PTPRG: variants seen among roughly 807,000 people sequenced by gnomAD.
PTPRG encodes the protein protein tyrosine phosphatase receptor type G.
PTPRG carries 102 observed loss-of-function variants against 165.3 expected under a neutral mutation model. The ratio of observed to expected loss-of-function variants is 0.62; its 90% CI spans 0.53 to 0.73. PTPRG has a LOEUF of 0.73. Ranked by LOEUF, PTPRG falls within the 30% of genes least tolerant of loss-of-function variation. The pLI is 0.00. For synonymous variants in PTPRG, 675 were observed against 669.5 expected (o/e 1.01, Z -0.13); for missense variants, 1,866 against 1,861.4 (o/e 1.00, Z -0.05).
intron 6 of PTPRG, among the ~76,000 whole-genome samples, chr3:62,147,420 G>A (rs1053549604): frequency 2.0e-5 from 3 of 152,258 alleles, no homozygotes; most frequent in Admixed American, 1.3e-4. Flanking sequence ...GAAAGTTGAC[G>A]GGGCCCTTTG....
At chr3:62,127,678 C>T (rs951391458) in intron 5 of PTPRG, among the ~76,000 whole-genome samples, 8 of 152,128 alleles carry the variant, frequency 5.3e-5, no homozygotes, top group African/African-American at 1.9e-4. Context: ...TTGTCTTGAC[C>T]ATCCTATTTA....
At chr3:61,909,408 G>A (rs945789485) in intron 2 of PTPRG, among the ~76,000 whole-genome samples, 1 of 152,104 alleles carries the variant, frequency 6.6e-6, no homozygotes, top group Non-Finnish European at 1.5e-5. Flanking sequence ...AGAGTGCAAT[G>A]CTGTGATCAT....
chr3:61,940,749 C>T (rs1224178646), intron 2 of PTPRG, among the ~76,000 whole-genome samples: 8 of 151,838 alleles, frequency 5.3e-5, no homozygotes, highest in Admixed American at 2.0e-4. Flanking sequence ...CTGCAAGCTC[C>T]GCCTCCTGGG....
chr3:62,295,642 G>C lies in PTPRG; in HGVS notation c.*2335G>C, dbSNP rs1271369713. ...TAGAAACAATAAAAGAAAGAGTTTA[G>C]AAGTTCCCTGTGAGCAATCTGTGTG... On this transcript the variant is annotated 3_prime_UTR_variant, in exon 30 of 30. Transcript: ENST00000474889. The C allele has an allele frequency of 6.6e-6, 1 of 152,066 alleles. No homozygotes were observed. Among genetic ancestry groups the C allele is most frequent in the African/African-American group, 2.4e-5 (1 of 41,414 alleles). The allele number at this position is 152,066 out of a possible 1,614,324, so 9.4% of individuals were successfully genotyped here. A position where few individuals can be genotyped will look rare whatever the true frequency, so the allele number is the denominator to read the frequency against.
chr3:62,205,207 G>T (rs980440557), intron 12 of PTPRG, among the ~76,000 whole-genome samples: 1 of 152,120 alleles, frequency 6.6e-6, no homozygotes, highest in Non-Finnish European at 1.5e-5. Flanking sequence ...AGCTGTGACT[G>T]GGGGAAAGGT....
chr3:61,637,662 A>G (rs1424598073), intron 1 of PTPRG, among the ~76,000 whole-genome samples: 1 of 152,154 alleles, frequency 6.6e-6, no homozygotes, highest in Non-Finnish European at 1.5e-5. Flanking sequence ...ACTTCTTAGG[A>G]GTCCACCGGG....
intron 10 of PTPRG, among the ~76,000 whole-genome samples, chr3:62,197,368 C>T (rs1374211734): frequency 6.6e-6 from 1 of 152,192 alleles, no homozygotes; most frequent in Non-Finnish European, 1.5e-5. Flanking sequence ...GCAAGGATCC[C>T]TTCTGGCTTG....
At position 62,245,086 on chromosome 3, in the gene PTPRG, C is replaced by T. The variant is rs1378792754; in HGVS notation, c.2467+1188C>T. ...AGTCAGCTTTTCTCACTAAAACTTG[C>T]CACACAGAAACAAGAAGATTAACAG... On this transcript the variant is annotated intron_variant, in intron 15 of 29. Coordinates refer to ENST00000474889, the MANE Select transcript of PTPRG (RefSeq NM_002841.4). This position sits in a 1 kb window ranked among gnomAD's most constrained non-coding sequence, Gnocchi z 4.2. Among the ~76,000 whole-genome samples the T allele has an allele frequency of 6.6e-6, 1 of 152,134 alleles. No individual in the cohort carries two copies. The highest frequency in any genetic ancestry group is 2.4e-5 in the African/African-American group (1 of 41,430).
chr3:61,866,121 TGGA>T (rs2037400410), intron 2 of PTPRG, among the ~76,000 whole-genome samples: 1 of 152,186 alleles, frequency 6.6e-6, no homozygotes, highest in Non-Finnish European at 1.5e-5. Flanking sequence ...ATATGTGATA[TGGA>T]TAAGTCATGC....
Position 61,871,118 on chromosome 3 carries a change from A to G in PTPRG, c.191-118507A>G, listed in dbSNP as rs148764657. Among the ~76,000 whole-genome samples the G allele has an allele frequency of 3.1e-4, 33 of 106,234 alleles. 1 individual carries two copies. In the South Asian group the frequency reaches 0.011, roughly 34 times the overall value. 69.7% of individuals were successfully genotyped at this position (106,234 alleles called of 152,430 possible). ...TTTTCCCTACATTCCCTGTTATGTT[A>G]TGTTATGTTATGTTGTGTTGTGTTG... On this transcript the variant is annotated intron_variant, in intron 2 of 29. Transcript: ENST00000474889.
chr3:62,279,989 A>ACAGTT (rs1464494742), intron 26 of PTPRG, among the ~76,000 whole-genome samples: 1 of 152,064 alleles, frequency 6.6e-6, no homozygotes, highest in African/African-American at 2.4e-5. Context: ...CACAGTCTCC[A>ACAGTT]ACCTATGCAA....
At chr3:62,097,681 C>G (rs1383685528) in intron 5 of PTPRG, among the ~76,000 whole-genome samples, 1 of 152,148 alleles carries the variant, frequency 6.6e-6, no homozygotes, top group Non-Finnish European at 1.5e-5. Flanking sequence ...TAAAATAGAA[C>G]AAAGTGTGCA....
intron 1 of PTPRG, among the ~76,000 whole-genome samples, chr3:61,735,082 T>C (rs2032668172): frequency 6.6e-6 from 1 of 152,244 alleles, no homozygotes; most frequent in Non-Finnish European, 1.5e-5. Flanking sequence ...TTTGGTTAAA[T>C]AGCTCTTCTT....
At chr3:62,207,909 A>G (rs368463192) in intron 12 of PTPRG, among the ~76,000 whole-genome samples, 1 of 152,232 alleles carries the variant, frequency 6.6e-6, no homozygotes, top group Non-Finnish European at 1.5e-5. Flanking sequence ...TGACTTTTCT[A>G]AAGAGGGCCA....
Position 62,294,538 on chromosome 3 carries a change from G to A in PTPRG, c.*1231G>A, listed in dbSNP as rs1046611667. ...GCTTTGTATGCTTTTGTGTAGTTTAGAACAGATACACATTAGTAAAAGATA... is the reference window on the plus strand; with the variant it reads ...GCTTTGTATGCTTTTGTGTAGTTTAAAACAGATACACATTAGTAAAAGATA... On this transcript the variant is annotated 3_prime_UTR_variant, in exon 30 of 30. Transcript: ENST00000474889. 2 of 151,880 alleles carry A rather than the reference G, an allele frequency of 1.3e-5. No homozygotes were observed. Among genetic ancestry groups the A allele is most frequent in the South Asian group, 4.1e-4 (2 of 4,828 alleles). 9.4% of individuals were successfully genotyped at this position (151,880 alleles called of 1,614,324 possible).
chr3:61,994,500 C>G (rs2040973117), intron 3 of PTPRG, among the ~76,000 whole-genome samples: 1 of 152,070 alleles, frequency 6.6e-6, no homozygotes, highest in Non-Finnish European at 1.5e-5. Context: ...CAGGTGGATT[C>G]AAAATATGGT....
At chr3:61,694,178 C>T (rs1033873794) in intron 1 of PTPRG, among the ~76,000 whole-genome samples, 2 of 152,102 alleles carry the variant, frequency 1.3e-5, no homozygotes, top group African/African-American at 2.4e-5. Flanking sequence ...CATGCTAAGA[C>T]GTGGGTGCAA....
At position 62,282,768 on chromosome 3, in the gene PTPRG, AT is replaced by A. The variant is rs754488669; in HGVS notation, c.3955del (p.Trp1319GlyfsTer8). The A allele has an allele frequency of 6.2e-7, 1 of 1,612,788 alleles. No homozygotes were observed. The highest frequency in any genetic ancestry group is 1.3e-5 in the African/African-American group (1 of 74,916). On this transcript the variant is annotated frameshift_variant, in exon 28 of 30. Coordinates refer to ENST00000474889, the MANE Select transcript of PTPRG (RefSeq NM_002841.4). LOFTEE classifies it high-confidence loss of function. ...LEVRHFQCPKWPNPDAPISST... is the reference protein window; with the variant it reads ...LEVRHFQCPKXPNPDAPISST... ...AAGTTCGGCACTTTCAGTGTCCCAA[AT>A]GGCCTAACCCAGATGCCCCCATAAG...
intron 2 of PTPRG, among the ~76,000 whole-genome samples, chr3:61,792,674 TTCTTTCTTTCTTTC>T (rs1178118303): frequency 0.052 from 11 of 210 alleles, no homozygotes; most frequent in African/African-American, 0.12. Context: ...TGGGTTTTCT[TTCTTTCTTTCTTTC>T]TTTCTTTCTT....
Sources: gnomAD v4.1 joint callset for allele counts (sites outside exome capture counted in the v4.1 genomes callset) on GRCh38, gnomAD v4.1.1 for gene constraint, Gnocchi (gnomAD v3.1) non-coding constraint, MANE v1.5 for transcripts, NCBI Gene and HGNC (gene_info 2026-07-23, HGNC 2026-07-21) for gene names.